Variants in C11orf97 observed in about 807,000 individuals in gnomAD.
C11orf97 encodes uncharacterized protein C11orf97.
A neutral mutation model predicts 16.2 loss-of-function variants in C11orf97; 15 were observed. The observed-to-expected ratio is 0.93, with a 90% CI of 0.62 to 1.43. The LOEUF (loss-of-function observed/expected upper bound fraction) is 1.43, where lower values mean the gene tolerates loss of function less well. Among genes scored for constraint, C11orf97 ranks in the 40% most tolerant of loss-of-function variants. The pLI, the probability that C11orf97 is intolerant of heterozygous loss-of-function variation, is 0.00. For synonymous variants in C11orf97, 61 were observed against 65.7 expected (o/e 0.93, Z 0.34); for missense variants, 171 against 161.2 (o/e 1.06, Z -0.33).
chr11:94,521,924 T>TAG (rs1336868309), intron 2 of C11orf97, among the ~76,000 whole-genome samples: 1 of 152,224 alleles, frequency 6.6e-6, no homozygotes, highest in Non-Finnish European at 1.5e-5. Flanking sequence ...ACATTTCACA[T>TAG]AGTCGATGGC....
intron 2 of C11orf97, among the ~76,000 whole-genome samples, chr11:94,522,612 T>C (rs1239251672): frequency 1.3e-5 from 2 of 152,160 alleles, no homozygotes; most frequent in Non-Finnish European, 2.9e-5. Context: ...CCCATCTCAA[T>C]GAATGGCATA....
chr11:94,524,558 G>C (rs1205899202), intron 2 of C11orf97, among the ~76,000 whole-genome samples: 1 of 127,384 alleles, frequency 7.9e-6, no homozygotes, highest in Non-Finnish European at 1.6e-5. Flanking sequence ...AAGAACCTGT[G>C]TCTACTTGAA....
At chr11:94,514,526 C>T (rs1362163624) in intron 1 of C11orf97, among the ~76,000 whole-genome samples, 1 of 152,074 alleles carries the variant, frequency 6.6e-6, no homozygotes, top group African/African-American at 2.4e-5. Context: ...CTCTCAAACA[C>T]GAAGTGTGGT....
At chr11:94,519,986 A>G (rs1947645298) in intron 2 of C11orf97, among the ~76,000 whole-genome samples, 1 of 152,212 alleles carries the variant, frequency 6.6e-6, no homozygotes, top group African/African-American at 2.4e-5. Context: ...TGGAAGACAC[A>G]GTTTGTCACA....
chr11:94,528,269 A>T, intron 3 of C11orf97, 60 bp downstream of exon 3: 5 of 1,435,038 alleles, frequency 3.5e-6, no homozygotes, highest in Non-Finnish European at 4.6e-6. Flanking sequence ...ACAGTTTACA[A>T]ACCAGTGGTA....
chr11:94,525,998 A>C (rs1303365247), intron 2 of C11orf97, among the ~76,000 whole-genome samples: 1 of 152,218 alleles, frequency 6.6e-6, no homozygotes, highest in African/African-American at 2.4e-5. Flanking sequence ...AATCTCTAGA[A>C]GATTCTGAGC....
At chr11:94,527,677 A>T (rs888770311) in intron 2 of C11orf97, among the ~76,000 whole-genome samples, 16 of 152,202 alleles carry the variant, frequency 1.1e-4, no homozygotes, top group African/African-American at 3.6e-4. Context: ...TAACTATTGG[A>T]TGAATTAATG....
intron 2 of C11orf97, among the ~76,000 whole-genome samples, chr11:94,520,277 ACTTT>A (rs1268881340): frequency 6.6e-6 from 1 of 151,870 alleles, no homozygotes; most frequent in African/African-American, 2.4e-5. Context: ...CTCTAAAAAC[ACTTT>A]CTTAGCTTGG....
intron 1 of C11orf97, among the ~76,000 whole-genome samples, chr11:94,515,842 G>A (rs945374533): frequency 6.6e-6 from 1 of 151,960 alleles, no homozygotes; most frequent in African/African-American, 2.4e-5. Flanking sequence ...CACCTTTAAT[G>A]ATTTCTTCTG....
At chr11:94,530,831 G>C (rs1429709387) in intron 3 of C11orf97, among the ~76,000 whole-genome samples, 1 of 152,204 alleles carries the variant, frequency 6.6e-6, no homozygotes, top group Non-Finnish European at 1.5e-5. Context: ...TGTGAATCTT[G>C]AAACGTTGCA....
intron 2 of C11orf97, among the ~76,000 whole-genome samples, chr11:94,520,478 A>G (rs1947649406): frequency 6.6e-6 from 1 of 152,124 alleles, no homozygotes; most frequent in Admixed American, 6.6e-5. Flanking sequence ...TGACTCCAGC[A>G]TTTTTTATTT....
At chr11:94,518,685 G>C (rs489200) in intron 2 of C11orf97, among the ~76,000 whole-genome samples, 74,997 of 152,020 alleles carry the variant, frequency 0.49, 19,327 homozygotes, top group Non-Finnish European at 0.57. Flanking sequence ...ACGATTACTA[G>C]ATGCATATTT....
chr11:94,514,846 T>C (rs529933488), intron 1 of C11orf97, among the ~76,000 whole-genome samples: 4 of 152,132 alleles, frequency 2.6e-5, no homozygotes, highest in African/African-American at 4.8e-5. Flanking sequence ...GGTTTCACCA[T>C]GTTGGCCAGG....
At chr11:94,523,265 A>C (rs16924599) in intron 2 of C11orf97, among the ~76,000 whole-genome samples, 37,160 of 152,062 alleles carry the variant, frequency 0.24, 4,858 homozygotes, top group African/African-American at 0.32. Flanking sequence ...TGTTTTGTAG[A>C]TATTCCCAAG....
At chr11:94,531,437 TCAAACAAA>T (rs35944099) in intron 3 of C11orf97, among the ~76,000 whole-genome samples, 1,543 of 145,528 alleles carry the variant, frequency 0.011, 13 homozygotes, top group Middle Eastern at 0.047. Context: ...AGACTGTGTT[TCAAACAAA>T]CAAACAAACA....
At chr11:94,530,395 T>C (rs1192912425) in intron 3 of C11orf97, among the ~76,000 whole-genome samples, 3 of 152,248 alleles carry the variant, frequency 2.0e-5, no homozygotes, top group Non-Finnish European at 2.9e-5. Context: ...TTGATCAATC[T>C]ATATGTCAGA....
At position 94,512,629 on chromosome 11, in the gene C11orf97, C is replaced by T. The variant is rs1279105928; in HGVS notation, c.101C>T (p.Ala34Val). 2.4e-6 allele frequency: 3 copies of T among 1,255,662 alleles called. No homozygotes were observed. The highest frequency in any genetic ancestry group is 3.0e-6 in the Non-Finnish European group (3 of 999,398). The allele number at this position is 1,255,662 out of a possible 1,614,324, so 77.8% of individuals were successfully genotyped here. ...PPPPAGLGCG[A>V]RGEPGRGPLE... ...CCGCCAGCAGGGCTGGGGTGCGGGG[C>T]GCGCGGGGAACCCGGCCGCGGCCCC... Residue 34 changes from alanine to valine, a missense_variant, in exon 1 of 4, where the codon GCG becomes GTG. By Grantham distance (64) the Ala-to-Val change is moderately conservative. Coordinates refer to ENST00000542198, the MANE Select transcript of C11orf97 (RefSeq NM_001190462.2).
intron 2 of C11orf97, among the ~76,000 whole-genome samples, chr11:94,519,590 T>C (rs1947640449): frequency 6.6e-6 from 1 of 152,246 alleles, no homozygotes; most frequent in Non-Finnish European, 1.5e-5. Flanking sequence ...TTTTGGTTTA[T>C]AAAAATTCAT....
In C11orf97 at chr11:94,531,995, T is replaced by C. The variant is rs184673308; in HGVS notation, c.*95T>C. On this transcript the variant is annotated 3_prime_UTR_variant, in exon 4 of 4. Coordinates refer to ENST00000542198, the MANE Select transcript of C11orf97 (RefSeq NM_001190462.2). ...AGCTTGTTTCAGGATTTAAGATGTG[T>C]GCAAAAAAATGATAGCCTGTAATTA... 3.3e-5 allele frequency: 33 copies of C among 1,002,966 alleles called. No individual in the cohort carries two copies. The East Asian group carries it at 8.9e-4, about 27-fold the overall frequency. 62.1% of individuals were successfully genotyped at this position (1,002,966 alleles called of 1,614,324 possible).
Sources: gnomAD v4.1 joint callset for allele counts (sites outside exome capture counted in the v4.1 genomes callset) on GRCh38, gnomAD v4.1.1 for gene constraint, MANE v1.5 for transcripts, NCBI Gene and HGNC (gene_info 2026-07-23, HGNC 2026-07-21) for gene names.